The following CDC14A variants were observed in gnomAD, a reference collection of about 807,000 sequenced individuals.
CDC14A encodes the protein dual specificity protein phosphatase CDC14A.
CDC14A carries 53 observed loss-of-function variants against 74.4 expected under a neutral mutation model. That is an observed-to-expected ratio of 0.71 (90% CI 0.57 to 0.89). The LOEUF is 0.89. Among genes scored for constraint, CDC14A ranks in the 40% least tolerant of loss-of-function variants. The probability of loss-of-function intolerance (pLI) is 0.00; values close to 1 mark genes in which losing one functional copy is unlikely to be tolerated. For missense variants in CDC14A, 646 were observed against 713.7 expected (o/e 0.91, Z 1.08); for synonymous variants, 247 against 258.4 (o/e 0.96, Z 0.43).
Position 100,499,023 on chromosome 1 carries a change from G to T in CDC14A, c.1516G>T (p.Ala506Ser), listed in dbSNP as rs150672643. The part of the protein sequence containing the change: ...ENKKTSSSSK[A>S]GFTASPFTNL... ...CAAAAAGACCTCCTCATCCTCTAAG[G>T]CAGGCTTCACAGCCAGCCCGTTTAC... Residue 506 changes from alanine (A) to serine (S), a missense_variant, in exon 15 of 16, where the codon GCA becomes TCA. Transcript: ENST00000336454. 1 of 1,614,006 alleles carries T rather than the reference G, an allele frequency of 6.2e-7. No homozygotes were observed. The highest frequency in any genetic ancestry group is 1.1e-5 in the South Asian group (1 of 91,076).
At chr1:100,348,619 TAATATA>T (rs1650644357), upstream of CDC14A, among the ~76,000 whole-genome samples, 1 of 152,204 alleles carries the variant, frequency 6.6e-6, no homozygotes, top group Non-Finnish European at 1.5e-5. Context: ...TGAAGCCATG[TAATATA>T]AGACAATGTA....
chr1:100,404,443 G>C (rs1659670254), intron 4 of CDC14A, among the ~76,000 whole-genome samples: 1 of 152,096 alleles, frequency 6.6e-6, no homozygotes, highest in Admixed American at 6.5e-5. Context: ...GCTTGTAGGG[G>C]CTTTGAATTT....
At chr1:100,446,935 G>A (rs1665611168) in intron 7 of CDC14A, among the ~76,000 whole-genome samples, 1 of 152,178 alleles carries the variant, frequency 6.6e-6, no homozygotes, top group Admixed American at 6.5e-5. Context: ...CTGGACTCAA[G>A]CAATCCGCCC....
At chr1:100,403,928 G>A (rs1209320003) in intron 4 of CDC14A, among the ~76,000 whole-genome samples, 2 of 152,158 alleles carry the variant, frequency 1.3e-5, no homozygotes, top group African/African-American at 2.4e-5. Context: ...TCAAGACATC[G>A]AATCTTAAAC....
intron 2 of CDC14A, among the ~76,000 whole-genome samples, chr1:100,367,196 G>A (rs116710285): frequency 0.01 from 1,566 of 152,160 alleles, 30 homozygotes; most frequent in African/African-American, 0.036. Flanking sequence ...ACTATCCCCA[G>A]GTTGATGACC....
intron 10 of CDC14A, among the ~76,000 whole-genome samples, chr1:100,473,802 G>A (rs1016230186): frequency 4.6e-5 from 7 of 152,060 alleles, no homozygotes; most frequent in African/African-American, 1.2e-4. Context: ...CCACAAATAG[G>A]ACAATTTTAT....
At chr1:100,453,347 G>A (rs976501151) in intron 7 of CDC14A, among the ~76,000 whole-genome samples, 6 of 152,180 alleles carry the variant, frequency 3.9e-5, no homozygotes, top group Non-Finnish European at 2.9e-5. Context: ...TACAGAAATA[G>A]TGACCGTAGA....
intron 8 of CDC14A, among the ~76,000 whole-genome samples, chr1:100,462,002 A>G (rs946860609): frequency 6.6e-6 from 1 of 152,174 alleles, no homozygotes; most frequent in Non-Finnish European, 1.5e-5. Flanking sequence ...TATAGTCACT[A>G]TGTTGTACAA....
chr1:100,462,931 C>A (rs201982798), intron 9 of CDC14A, 50 bp downstream of exon 9: 2 of 1,388,460 alleles, frequency 1.4e-6, no homozygotes, highest in African/African-American at 1.4e-5. Flanking sequence ...AAGGGGCGGG[C>A]CAAGGAAGAG....
In CDC14A at chr1:100,466,890, A is replaced by AAAAG. The variant is rs1553190651; in HGVS notation, c.839-1066_839-1065insAAAG. On this transcript the variant is annotated intron_variant, in intron 9 of 15. Coordinates refer to ENST00000336454, the MANE Select transcript of CDC14A (RefSeq NM_003672.4). Reference sequence around the variant, plus strand: ...GGTCTCCAAAAAAAAAAAAAAAAAAAGAAGGGTTAATGGGAAGGAAATGTC... The same window carrying AAAAG: ...GGTCTCCAAAAAAAAAAAAAAAAAAAAAAGGAAGGGTTAATGGGAAGGAAATGTC... 1.6e-4 allele frequency among the ~76,000 whole-genome samples: 24 copies of AAAAG among 149,096 alleles called. 1 individual carries two copies. The highest frequency in any genetic ancestry group is 5.6e-4 in the African/African-American group (22 of 39,366).
At chr1:100,494,300 A>G (rs977374711) in intron 11 of CDC14A, among the ~76,000 whole-genome samples, 4 of 152,222 alleles carry the variant, frequency 2.6e-5, no homozygotes, top group African/African-American at 4.8e-5. Context: ...TCTAGTGAAC[A>G]TGGTCCTTTA....
chr1:100,353,922 C>T, intron 2 of CDC14A, 70 bp downstream of exon 2: 1 of 817,406 alleles, frequency 1.2e-6, no homozygotes, highest in East Asian at 2.6e-5. Flanking sequence ...ACACTATGCA[C>T]TTTTATGGCA....
intron 4 of CDC14A, among the ~76,000 whole-genome samples, chr1:100,407,780 A>G (rs1242839734): frequency 1.3e-5 from 2 of 152,156 alleles, no homozygotes; most frequent in African/African-American, 2.4e-5. Flanking sequence ...TATCTCCAGT[A>G]CTTAACATAG....
At chr1:100,466,738 T>C (rs776557411) in intron 9 of CDC14A, among the ~76,000 whole-genome samples, 2 of 151,948 alleles carry the variant, frequency 1.3e-5, no homozygotes, top group South Asian at 2.1e-4. Context: ...GGCATGGTGG[T>C]GCATGCCTGT....
chr1:100,407,519 T>C (rs1471548623), intron 4 of CDC14A, among the ~76,000 whole-genome samples: 1 of 152,212 alleles, frequency 6.6e-6, no homozygotes, highest in Non-Finnish European at 1.5e-5. Flanking sequence ...TGTTGGGGTA[T>C]AGGAATGCTA....
chr1:100,468,116 C>A (rs17122599), intron 10 of CDC14A, 22 bp downstream of exon 10: 1 of 1,612,746 alleles, frequency 6.2e-7, no homozygotes. Flanking sequence ...GTCCCCATTA[C>A]CACATTATAT....
intron 5 of CDC14A, among the ~76,000 whole-genome samples, chr1:100,436,186 G>A (rs941484719): frequency 6.6e-6 from 1 of 152,156 alleles, no homozygotes; most frequent in South Asian, 2.1e-4. Context: ...AACATCATGT[G>A]GGGCAGGTAT....
At chr1:100,351,552 G>A (rs963891583), upstream of CDC14A, 8 of 603,632 alleles carry the variant, frequency 1.3e-5, no homozygotes, top group African/African-American at 1.5e-4. Context: ...CGCTTCAGCT[G>A]AGACTATGTA....
intron 4 of CDC14A, among the ~76,000 whole-genome samples, chr1:100,407,579 T>C (rs1193962694): frequency 6.6e-6 from 1 of 152,222 alleles, no homozygotes; most frequent in African/African-American, 2.4e-5. Context: ...GGAAGTTGCT[T>C]ATCAGCTTAA....
Sources: gnomAD v4.1 joint callset for allele counts (sites outside exome capture counted in the v4.1 genomes callset) on GRCh38, gnomAD v4.1.1 for gene constraint, MANE v1.5 for transcripts, NCBI Gene and HGNC (gene_info 2026-07-23, HGNC 2026-07-21) for gene names.